The following CORO1B variants were observed in gnomAD, a reference collection of about 807,000 sequenced individuals.
The protein encoded by CORO1B is coronin 1B.
Under a neutral mutation model 51.1 loss-of-function variants are expected in CORO1B, and 30 were observed. The observed-to-expected ratio is 0.59, with a 90% CI of 0.44 to 0.80. The LOEUF (loss-of-function observed/expected upper bound fraction) is 0.80. Ranked by LOEUF, CORO1B falls within the 30% of genes least tolerant of loss-of-function variation. The probability of loss-of-function intolerance (pLI) is 0.00; values close to 1 mark genes in which losing one functional copy is unlikely to be tolerated. For synonymous variants in CORO1B, 310 were observed against 289.7 expected, an observed-to-expected ratio of 1.07 and a Z score of -0.71; for missense variants, 648 against 700.4, an observed-to-expected ratio of 0.93 and a Z score of 0.84.
chr11:67,441,015 G>A (rs1184757799), intron 6 of CORO1B, 110 bp downstream of exon 6: 2 of 1,536,416 alleles, frequency 1.3e-6, no homozygotes, highest in Non-Finnish European at 8.9e-7. Context: ...AGAGCCTCAA[G>A]TTCCAGGCAG....
chr11:67,440,856 T>C (rs1463742255), intron 6 of CORO1B: 1 of 657,486 alleles, frequency 1.5e-6, no homozygotes. Flanking sequence ...CAGTGGGTGG[T>C]ACAGGCAAGC....
chr11:67,441,255 G>A lies in CORO1B; in HGVS notation c.637-11C>T, dbSNP rs1339293636. The A allele has an allele frequency of 5.6e-6, 9 of 1,612,896 alleles. No homozygotes were observed. The highest frequency in any genetic ancestry group is 7.6e-6 in the Non-Finnish European group (9 of 1,179,932). On this transcript the variant is annotated splice_polypyrimidine_tract_variant and intron_variant, in intron 5 of 10. Coordinates refer to ENST00000341356, the MANE Select transcript of CORO1B (RefSeq NM_020441.3). ...AGCCTTCTCCCGCTCCTGTCGGGGG[G>A]ACAGGCTGGTCAGTGCAGCGCCCTG... is the stretch of plus-strand genomic sequence containing the variant.
chr11:67,441,827 C>T lies in CORO1B; in HGVS notation c.360G>A (p.Pro120=), dbSNP rs375496989. ...CCAGTACCACCACCGGCTCTGTCAGCGGGGAGGTCAGCCCGTTCTCTGGGA... is the reference window on the plus strand; with the variant it reads ...CCAGTACCACCACCGGCTCTGTCAGTGGGGAGGTCAGCCCGTTCTCTGGGA... ...WQIPENGLTS[P]LTEPVVVLEG... Residue 120 remains proline, a synonymous_variant, in exon 4 of 11, where the codon CCG becomes CCA. Coordinates refer to ENST00000341356, the MANE Select transcript of CORO1B (RefSeq NM_020441.3). 1.7e-4 allele frequency: 279 copies of T among 1,612,966 alleles called. No homozygotes were observed. The highest frequency in any genetic ancestry group is 2.8e-4 in the Admixed American group (17 of 59,994).
chr11:67,441,633 C>T, intron 4 of CORO1B, 100 bp downstream of exon 4: 1 of 1,543,814 alleles, frequency 6.5e-7, no homozygotes, highest in Non-Finnish European at 8.8e-7. Flanking sequence ...ACTCTGAGGG[C>T]CTCAGCTTTC....
chr11:67,436,131 A>G lies in CORO1B; in HGVS notation c.*2245T>C. ...CAGAGCAGGCGCCGCGTGCGGCCCC[A>G]CAGCGCGGCACCTAGGCGGGCCGGG... is the stretch of plus-strand genomic sequence containing the variant. On this transcript the variant is annotated 3_prime_UTR_variant, in exon 11 of 11. Coordinates refer to ENST00000341356, the MANE Select transcript of CORO1B (RefSeq NM_020441.3). 1 of 1,585,556 alleles carries G rather than the reference A, an allele frequency of 6.3e-7. No homozygotes were observed. Among genetic ancestry groups the G allele is most frequent in the Non-Finnish European group, 8.6e-7 (1 of 1,165,752 alleles).
Position 67,438,146 on chromosome 11 carries a change from A to G in CORO1B, c.*230T>C. The G allele has an allele frequency of 2.1e-6, 1 of 467,390 alleles. No individual in the cohort carries two copies. The highest frequency in any genetic ancestry group is 3.7e-6 in the Non-Finnish European group (1 of 268,188). The allele number at this position is 467,390 out of a possible 1,614,324, so 29.0% of individuals were successfully genotyped here. A position where few individuals can be genotyped will look rare whatever the true frequency, so the allele number is the denominator to read the frequency against. On this transcript the variant is annotated 3_prime_UTR_variant, in exon 11 of 11. Coordinates refer to ENST00000341356, the MANE Select transcript of CORO1B (RefSeq NM_020441.3). ...AGAGGGCTGGGCAGTGGTCGGGGAG[A>G]TGGTCCCTCAGAGGTCGAGGAGCTC...
In CORO1B at chr11:67,438,429, G is replaced by A. The variant is rs376930864; in HGVS notation, c.1417C>T (p.Arg473Cys). 2.0e-4 allele frequency: 317 copies of A among 1,611,038 alleles called. No homozygotes were observed. Among genetic ancestry groups the A allele is most frequent in the Non-Finnish European group, 2.4e-4 (283 of 1,178,610 alleles). Residue 473 changes from arginine (R) to cysteine (C), a missense_variant, in exon 11 of 11, where the codon CGC becomes TGC. Coordinates refer to ENST00000341356, the MANE Select transcript of CORO1B (RefSeq NM_020441.3). ...AGCTGCTCCTCCAGGCGGCAGATGC[G>A]GTCGCCCTGCTCCTTGACCAGCGCC... is the stretch of plus-strand genomic sequence containing the variant. ...LRALVKEQGD[R>C]ICRLEEQLGR...
Position 67,437,814 on chromosome 11 carries a change from G to T in CORO1B, c.*562C>A. 1 of 470,082 alleles carries T rather than the reference G, an allele frequency of 2.1e-6. No individual in the cohort carries two copies. Among genetic ancestry groups the T allele is most frequent in the Non-Finnish European group, 3.5e-6 (1 of 288,738 alleles). The allele number at this position is 470,082 out of a possible 1,614,324, so 29.1% of individuals were successfully genotyped here. A position where few individuals can be genotyped will look rare whatever the true frequency, so the allele number is the denominator to read the frequency against. On this transcript the variant is annotated 3_prime_UTR_variant, in exon 11 of 11. Coordinates refer to ENST00000341356, the MANE Select transcript of CORO1B (RefSeq NM_020441.3). ...TCCCCAGTCTCTCTGGAGGAGGCTG[G>T]GCTGCCGGGCCTGTCCTCCAAGGAA... is the stretch of plus-strand genomic sequence containing the variant.
chr11:67,435,592 C>T lies in CORO1B; in HGVS notation c.*2784G>A. ...CCGTTCCCGTGGTGAGCGGGGTACA[C>T]ATGGACTTGGGAACTGGTAGGGGGT... On this transcript the variant is annotated 3_prime_UTR_variant, in exon 11 of 11. Transcript: ENST00000341356. 7.7e-7 allele frequency: 1 copy of T among 1,305,166 alleles called. No individual in the cohort carries two copies. The highest frequency in any genetic ancestry group is 1.0e-6 in the Non-Finnish European group (1 of 970,654). The allele number at this position is 1,305,166 out of a possible 1,614,324, so 80.8% of individuals were successfully genotyped here. A position where few individuals can be genotyped will look rare whatever the true frequency, so the allele number is the denominator to read the frequency against.
At chr11:67,442,763 C>G in intron 1 of CORO1B, 133 bp from the exon 2 acceptor site, 1 of 850,034 alleles carries the variant, frequency 1.2e-6, no homozygotes, top group Non-Finnish European at 1.8e-6. Context: ...TCGGTTTACC[C>G]AGTTACAGAA....
rs150626853 is a variant in CORO1B, at chr11:67,436,683, G to T, written c.*1693C>A. The T allele has an allele frequency of 0.015, 4,320 of 283,910 alleles. 540 individuals carry two copies. The Admixed American group carries it at 0.19, about 13-fold the overall frequency. 17.6% of individuals were successfully genotyped at this position (283,910 alleles called of 1,614,324 possible). The stretch of plus-strand genomic sequence containing the variant: ...CCGGGCTGCATGGCCTGCTCACCGT[G>T]CTCAAACTTCACCCCAGTGAGGCTG... On this transcript the variant is annotated 3_prime_UTR_variant, in exon 11 of 11. Coordinates refer to ENST00000341356, the MANE Select transcript of CORO1B (RefSeq NM_020441.3).
chr11:67,440,906 G>A (rs568126655), intron 6 of CORO1B: 4 of 684,220 alleles, frequency 5.8e-6, no homozygotes, highest in East Asian at 5.4e-5. Context: ...GAACAACATG[G>A]GCAAAGACAC....
In CORO1B at chr11:67,442,083, G is replaced by T. The variant is rs369704819; in HGVS notation, c.207C>A (p.Gly69=). The T allele has an allele frequency of 1.9e-6, 3 of 1,610,400 alleles. No individual in the cohort carries two copies. In the African/African-American group the frequency reaches 4.0e-5, roughly 22 times the overall value. The change falls in exon 3 of 11, where the codon GGC becomes GGA. Residue 69 remains glycine, a synonymous_variant. Coordinates refer to ENST00000341356, the MANE Select transcript of CORO1B (RefSeq NM_020441.3). ...CCGTCGGGTAGGCCTTGTCAATGCG[G>T]CCCGTCTGTGGGCACGAGGGGGCAG... ...AFLVLPLSKT[G]RIDKAYPTVC...
rs1864384615 is a variant in CORO1B, at chr11:67,441,120, C to T, written c.756+5G>A. Reference sequence around the variant, plus strand: ...CAAGTTTGCCCCCTCAGGCTGGCCACTCACTGGGTCCCAGAGCGCCAGCTG... The same window carrying T: ...CAAGTTTGCCCCCTCAGGCTGGCCATTCACTGGGTCCCAGAGCGCCAGCTG... On this transcript the variant is annotated splice_donor_5th_base_variant and intron_variant, in intron 6 of 10. Coordinates refer to ENST00000341356, the MANE Select transcript of CORO1B (RefSeq NM_020441.3). 3 of 1,612,870 alleles carry T rather than the reference C, an allele frequency of 1.9e-6. No individual in the cohort carries two copies. The highest frequency in any genetic ancestry group is 2.5e-6 in the Non-Finnish European group (3 of 1,180,006).
In CORO1B at chr11:67,437,362, AG is replaced by A. The variant is rs1242314703; in HGVS notation, c.*1013del. The A allele has an allele frequency of 5.1e-6, 2 of 395,116 alleles. No homozygotes were observed. The highest frequency in any genetic ancestry group is 4.1e-5 in the African/African-American group (2 of 48,378). 24.5% of individuals were successfully genotyped at this position (395,116 alleles called of 1,614,324 possible). On this transcript the variant is annotated 3_prime_UTR_variant, in exon 11 of 11. Transcript: ENST00000341356. ...TCCAGGAATGCAAGTTCCCGCTCAC[AG>A]GAAGACCAGGTAAGGGCCTTCCCAG...
Position 67,438,698 on chromosome 11 carries a change from G to T in CORO1B, c.1317C>A (p.Thr439=). The stretch of plus-strand genomic sequence containing the variant: ...CGGCTCTGGCCAGGCTGCCGCTGGG[G>T]GTGGCATCAGCAGCAGTGGTGGTGG... ...PASTTTAADA[T]PSGSLARAGE... Residue 439 remains threonine, a synonymous_variant, in exon 10 of 11, where the codon ACC becomes ACA. Coordinates refer to ENST00000341356, the MANE Select transcript of CORO1B (RefSeq NM_020441.3). 1 of 1,547,538 alleles carries T rather than the reference G, an allele frequency of 6.5e-7. No homozygotes were observed. Among genetic ancestry groups the T allele is most frequent in the Non-Finnish European group, 8.7e-7 (1 of 1,149,490 alleles).
chr11:67,441,960 C>T lies in CORO1B; in HGVS notation c.324+6G>A, dbSNP rs1864403820. On this transcript the variant is annotated splice_donor_region_variant and intron_variant, in intron 3 of 10. Coordinates refer to ENST00000341356, the MANE Select transcript of CORO1B (RefSeq NM_020441.3). ...CGACCCTGGCCCAGCCAGTCCTGTGCCTCACCATGACCGTGCAGTCCTCCG... is the reference window on the plus strand; with the variant it reads ...CGACCCTGGCCCAGCCAGTCCTGTGTCTCACCATGACCGTGCAGTCCTCCG... 2.5e-6 allele frequency: 4 copies of T among 1,613,132 alleles called. No individual in the cohort carries two copies. The African/African-American group carries it at 4.0e-5, about 16-fold the overall frequency.
At chr11:67,440,896 G>T (rs957410633) in intron 6 of CORO1B, 7 of 671,612 alleles carry the variant, frequency 1.0e-5, no homozygotes, top group Non-Finnish European at 1.6e-5. Flanking sequence ...CCGTTGGCAT[G>T]AACAACATGG....
At position 67,441,325 on chromosome 11, in the gene CORO1B, C is replaced by T; in HGVS notation, c.636+8G>A. 3 of 1,613,380 alleles carry T rather than the reference C, an allele frequency of 1.9e-6. No individual in the cohort carries two copies. The highest frequency in any genetic ancestry group is 2.5e-6 in the Non-Finnish European group (3 of 1,179,950). On this transcript the variant is annotated splice_region_variant and intron_variant, in intron 5 of 10. Transcript: ENST00000341356. ...CCACAGCCATCCTTGCCCTCCAGAG[C>T]CACGTACTGCCACCAGGGTGCCCCG...
Sources: gnomAD v4.1 joint callset for allele counts on GRCh38, gnomAD v4.1.1 for gene constraint, MANE v1.5 for transcripts, NCBI Gene and HGNC (gene_info 2026-07-23, HGNC 2026-07-21) for gene names.